Variants in CACNA1E observed in about 807,000 individuals in gnomAD.
CACNA1E encodes the protein voltage-dependent R-type calcium channel subunit alpha-1E.
In CACNA1E, 40 loss-of-function variants were observed where a neutral mutation model predicts 259.2. That is an observed-to-expected ratio of 0.15 (90% CI 0.12 to 0.20). CACNA1E has a LOEUF of 0.20. CACNA1E is among the 10% of genes least tolerant of loss of function. The pLI is 1.00. For synonymous variants in CACNA1E, 1,104 were observed against 1,138.5 expected (o/e 0.97, Z 0.61); for missense variants, 1,874 against 3,040.1 (o/e 0.62, Z 9.02).
chr1:181,401,806 A>G (rs113559421), intron 1 of CACNA1E, among the ~76,000 whole-genome samples: 214 of 152,270 alleles, frequency 1.4e-3, no homozygotes, highest in Admixed American at 4.2e-3. Context: ...GAAGCATTGG[A>G]TCTTTCTTAT....
At chr1:181,724,381 C>T (rs1654690901) in intron 16 of CACNA1E, 89 bp from the exon 17 acceptor site, 2 of 1,006,998 alleles carry the variant, frequency 2.0e-6, no homozygotes, top group Non-Finnish European at 3.1e-6. Flanking sequence ...CTGTTAATGT[C>T]CCAGGCAGGA....
intron 6 of CACNA1E, among the ~76,000 whole-genome samples, chr1:181,615,991 T>C (rs60728714): frequency 0.032 from 4,806 of 152,334 alleles, 211 homozygotes; most frequent in African/African-American, 0.1. Flanking sequence ...ATTGCACTGA[T>C]CATGATTTTC....
Position 181,785,264 on chromosome 1 carries a change from C to T in CACNA1E, c.5579-54C>T. On this transcript the variant is annotated intron_variant, in intron 41 of 47. Transcript: ENST00000367573. ...GGTAACAAAGCTTAGAGGTTCCTCACTCTCTCCCATTATCTACTCCCTGTT... is the reference window on the plus strand; with the variant it reads ...GGTAACAAAGCTTAGAGGTTCCTCATTCTCTCCCATTATCTACTCCCTGTT... 1.2e-5 allele frequency: 12 copies of T among 1,032,986 alleles called. 1 individual carries two copies. In the South Asian group the frequency reaches 1.5e-4, roughly 13 times the overall value. The allele number at this position is 1,032,986 out of a possible 1,614,324, so 64.0% of individuals were successfully genotyped here.
intron 1 of CACNA1E, among the ~76,000 whole-genome samples, chr1:181,384,953 T>C (rs555338857): frequency 1.3e-5 from 2 of 152,320 alleles, no homozygotes; most frequent in South Asian, 4.1e-4. Context: ...TACCAATGAT[T>C]AAGCCCATAC....
chr1:181,578,309 TGG>T (rs754153561), intron 4 of CACNA1E, among the ~76,000 whole-genome samples: 14 of 152,186 alleles, frequency 9.2e-5, no homozygotes, highest in Non-Finnish European at 1.6e-4. Flanking sequence ...TCCTAGCACT[TGG>T]GAGGCTGAGG....
intron 1 of CACNA1E, among the ~76,000 whole-genome samples, chr1:181,320,833 C>T (rs981720275): frequency 1.3e-5 from 2 of 152,110 alleles, no homozygotes; most frequent in African/African-American, 4.8e-5. Flanking sequence ...TCAGCAGTGT[C>T]CTTGCTTGGT....
rs1243847299 is a variant in CACNA1E, at chr1:181,651,548, C to T, written c.1055+107C>T. 3 of 768,462 alleles carry T rather than the reference C, an allele frequency of 3.9e-6. No homozygotes were observed. In the African/African-American group the frequency reaches 5.2e-5, roughly 13 times the overall value. The allele number at this position is 768,462 out of a possible 1,614,324, so 47.6% of individuals were successfully genotyped here. On this transcript the variant is annotated intron_variant, in intron 7 of 47. Coordinates refer to ENST00000367573, the MANE Select transcript of CACNA1E (RefSeq NM_001205293.3). ...ATTCATTTAACCTTCATTTAGAAGACACTTACCTAGCAGTTCCTCTGTGCC... is the reference window on the plus strand; with the variant it reads ...ATTCATTTAACCTTCATTTAGAAGATACTTACCTAGCAGTTCCTCTGTGCC...
intron 2 of CACNA1E, among the ~76,000 whole-genome samples, chr1:181,423,156 G>C (rs1477433857): frequency 6.6e-6 from 1 of 152,114 alleles, no homozygotes; most frequent in Non-Finnish European, 1.5e-5. Context: ...TACAGATCAA[G>C]AAGTCATTAT....
intron 1 of CACNA1E, among the ~76,000 whole-genome samples, chr1:181,367,846 G>T (rs1249156522): frequency 6.6e-6 from 1 of 151,882 alleles, no homozygotes; most frequent in Non-Finnish European, 1.5e-5. Context: ...AATTTACTTT[G>T]GTTTCTTTGA....
At chr1:181,545,818 T>C (rs1194523178) in intron 3 of CACNA1E, among the ~76,000 whole-genome samples, 1 of 152,182 alleles carries the variant, frequency 6.6e-6, no homozygotes, top group Non-Finnish European at 1.5e-5. Context: ...AAAGATGATT[T>C]ATTTTTTTCT....
intron 2 of CACNA1E, among the ~76,000 whole-genome samples, chr1:181,470,606 T>C (rs867525363): frequency 6.6e-6 from 1 of 152,170 alleles, no homozygotes; most frequent in Admixed American, 6.6e-5. Flanking sequence ...GAGAGGACAT[T>C]TGGGGACCTT....
At chr1:181,587,643 GGAGGCC>G (rs1435067890) in intron 6 of CACNA1E, among the ~76,000 whole-genome samples, 1 of 152,156 alleles carries the variant, frequency 6.6e-6, no homozygotes. Flanking sequence ...CAGCACTTTG[GGAGGCC>G]GAGGCGGGCG....
intron 2 of CACNA1E, among the ~76,000 whole-genome samples, chr1:181,448,643 A>G (rs1294062782): frequency 3.9e-5 from 6 of 152,260 alleles, no homozygotes; most frequent in South Asian, 4.1e-4. Context: ...CAGCAGACCA[A>G]TTGTATATTA....
intron 17 of CACNA1E, among the ~76,000 whole-genome samples, chr1:181,724,936 A>C (rs1654758020): frequency 6.6e-6 from 1 of 152,292 alleles, no homozygotes; most frequent in African/African-American, 2.4e-5. Flanking sequence ...GGTGGGAGAG[A>C]GATCAGGGCC....
chr1:181,429,943 G>C (rs1219239686), intron 2 of CACNA1E, among the ~76,000 whole-genome samples: 1 of 152,228 alleles, frequency 6.6e-6, no homozygotes, highest in Non-Finnish European at 1.5e-5. Flanking sequence ...GGGCGGGCAG[G>C]TACCTTGTGC....
chr1:181,435,966 C>T lies in CACNA1E; in HGVS notation c.434+22386C>T, dbSNP rs1660057760. ...ACAGAGAAAATATTTCCAAACCATA[C>T]ATCTGATAAGGAGTTAATATTAAAA... On this transcript the variant is annotated intron_variant, in intron 2 of 11. Coordinates refer to the CACNA1E transcript ENST00000524607. 2.6e-5 allele frequency among the ~76,000 whole-genome samples: 4 copies of T among 152,028 alleles called. No individual in the cohort carries two copies. The South Asian group carries it at 8.3e-4, about 32-fold the overall frequency.
chr1:181,351,435 T>C (rs1653039009), intron 1 of CACNA1E, among the ~76,000 whole-genome samples: 1 of 152,244 alleles, frequency 6.6e-6, no homozygotes, highest in Non-Finnish European at 1.5e-5. Context: ...ACTTTGGTTT[T>C]CCGGTATGGA....
chr1:181,795,681 C>T (rs1201785547), intron 46 of CACNA1E, among the ~76,000 whole-genome samples: 1 of 151,222 alleles, frequency 6.6e-6, no homozygotes, highest in East Asian at 1.9e-4. Context: ...ACCTCATGAT[C>T]CGCCCGCGTA....
intron 19 of CACNA1E, among the ~76,000 whole-genome samples, chr1:181,731,637 C>A (rs1337374491): frequency 6.6e-6 from 1 of 152,124 alleles, no homozygotes; most frequent in Non-Finnish European, 1.5e-5. Context: ...GAGGAGGTAA[C>A]TTCCCCTCCG....
Sources: allele counts gnomAD v4.1 joint callset (sites outside exome capture counted in the v4.1 genomes callset), GRCh38; gene constraint gnomAD v4.1.1; transcripts MANE v1.5; gene names NCBI Gene and HGNC (gene_info 2026-07-23, HGNC 2026-07-21).